Variants in TEX36 observed in about 807,000 individuals in gnomAD.
TEX36 encodes the protein testis-expressed protein 36.
Under a neutral mutation model 13.6 loss-of-function variants are expected in TEX36, and 12 were observed. The observed-to-expected ratio is 0.88, with a 90% CI of 0.56 to 1.43. The LOEUF (loss-of-function observed/expected upper bound fraction) is 1.43. Ranked by LOEUF, TEX36 falls within the 40% of genes most tolerant of loss-of-function variation. The pLI is 0.00. For synonymous variants in TEX36, 93 were observed against 83.0 expected, an observed-to-expected ratio of 1.12 and a Z score of -0.65; for missense variants, 224 against 228.3, an observed-to-expected ratio of 0.98 and a Z score of 0.12.
At chr10:125,647,426 T>C (rs1304209152) in intron 3 of TEX36, among the ~76,000 whole-genome samples, 2 of 152,242 alleles carry the variant, frequency 1.3e-5, no homozygotes, top group African/African-American at 4.8e-5. Flanking sequence ...ATACAGGAAC[T>C]CTGAACTTTC....
At chr10:125,618,955 A>AT (rs1363696061), downstream of TEX36, among the ~76,000 whole-genome samples, 2 of 145,586 alleles carry the variant, frequency 1.4e-5, no homozygotes, top group Admixed American at 1.4e-4. Context: ...AAAAAAAAAA[A>AT]AAAAAAAAAA....
intron 3 of TEX36, among the ~76,000 whole-genome samples, chr10:125,623,113 C>T (rs1484936650): frequency 6.6e-6 from 1 of 152,216 alleles, no homozygotes; most frequent in Non-Finnish European, 1.5e-5. Context: ...GAGGCTGATT[C>T]AGAGTATACA....
At chr10:125,641,131 A>T (rs560508427) in intron 3 of TEX36, among the ~76,000 whole-genome samples, 24 of 152,322 alleles carry the variant, frequency 1.6e-4, no homozygotes, top group African/African-American at 5.8e-4. Context: ...TGCAATGTAG[A>T]AATTGTTCCT....
chr10:125,619,851 G>A (rs182111722), downstream of TEX36, among the ~76,000 whole-genome samples: 7 of 151,712 alleles, frequency 4.6e-5, no homozygotes, highest in Admixed American at 2.0e-4. Context: ...CACCTCGCCC[G>A]ACCATTTTTT....
chr10:125,579,086 G>T (rs1845856923), intron 3 of TEX36, among the ~76,000 whole-genome samples: 2 of 152,162 alleles, frequency 1.3e-5, no homozygotes, highest in African/African-American at 2.4e-5. Flanking sequence ...TGCCTTCCTT[G>T]GTGAGGCTTC....
At chr10:125,666,926 C>G (rs767393490) in intron 1 of TEX36, 19 of 585,444 alleles carry the variant, frequency 3.2e-5, no homozygotes, top group Non-Finnish European at 5.6e-5. Flanking sequence ...CAGCCCCAGT[C>G]TCACTGCTTG....
chr10:125,605,881 C>T (rs1846210112), intron 3 of TEX36, among the ~76,000 whole-genome samples: 1 of 152,230 alleles, frequency 6.6e-6, no homozygotes, highest in African/African-American at 2.4e-5. Context: ...GGCTTACAGG[C>T]ATGAGCCACC....
intron 3 of TEX36, among the ~76,000 whole-genome samples, chr10:125,640,705 G>T (rs944114621): frequency 1.3e-5 from 2 of 152,126 alleles, no homozygotes; most frequent in African/African-American, 4.8e-5. Context: ...CCAGGGAAAG[G>T]CAGGACTAGA....
At chr10:125,662,042 G>A in intron 1 of TEX36, 65 bp from the exon 2 acceptor site, 1 of 1,547,948 alleles carries the variant, frequency 6.5e-7, no homozygotes, top group Admixed American at 2.0e-5. Flanking sequence ...CAAGTATCAG[G>A]GCTTCCTTTG....
intron 3 of TEX36, among the ~76,000 whole-genome samples, chr10:125,601,414 G>T (rs561188797): frequency 6.6e-6 from 1 of 152,222 alleles, no homozygotes; most frequent in Admixed American, 6.5e-5. Flanking sequence ...TAGCCCCAAA[G>T]GTGGTTAGCT....
At chr10:125,679,609 C>T (rs568619446) in intron 1 of TEX36, among the ~76,000 whole-genome samples, 2 of 152,334 alleles carry the variant, frequency 1.3e-5, no homozygotes, top group East Asian at 3.9e-4. Flanking sequence ...ACTCACTTAC[C>T]CTTTCCCCAT....
intron 3 of TEX36, among the ~76,000 whole-genome samples, chr10:125,623,489 T>C (rs1846450914): frequency 6.6e-6 from 1 of 152,112 alleles, no homozygotes; most frequent in Non-Finnish European, 1.5e-5. Flanking sequence ...GGGAGAGATT[T>C]GTCTTTCTGC....
Position 125,674,975 on chromosome 10 carries a change from G to A in TEX36, c.51+7964C>T, listed in dbSNP as rs145664015. On this transcript the variant is annotated intron_variant, in intron 1 of 3. Coordinates refer to ENST00000368821, the MANE Select transcript of TEX36 (RefSeq NM_001128202.3). ...GGTGCATTGAGCTGGGGGAATCTCC[G>A]CTCATCCAGATTGCCCAGGTTCCTT... 2.6e-3 allele frequency among the ~76,000 whole-genome samples: 392 copies of A among 152,358 alleles called. 1 individual carries two copies. Among genetic ancestry groups the A allele is most frequent in the Non-Finnish European group, 4.3e-3 (290 of 68,030 alleles).
intron 3 of TEX36, among the ~76,000 whole-genome samples, chr10:125,630,055 C>T (rs971116980): frequency 2.4e-4 from 37 of 152,182 alleles, no homozygotes; most frequent in Admixed American, 1.0e-3. Flanking sequence ...GCCATAGGGC[C>T]TAGTCCTCAA....
chr10:125,667,888 G>A, intron 1 of TEX36: 1 of 1,512,474 alleles, frequency 6.6e-7, no homozygotes, highest in East Asian at 2.3e-5. Flanking sequence ...CCACGATGCG[G>A]TGAGCGATGT....
At position 125,661,041 on chromosome 10, in the gene TEX36, A is replaced by C; in HGVS notation, c.244T>G (p.Ser82Ala). ...CTCACGGAGTCAAGGTAGCATCCAG[A>C]GTTCTCCAAGCTGTGCCGATTGTCA... ...VHDNRHSLENSGCYLDSGLGR... is the reference protein window; with the variant it reads ...VHDNRHSLENAGCYLDSGLGR... The change falls in exon 3 of 4, where the codon TCT becomes GCT. Residue 82 changes from serine to alanine, a missense_variant. Physicochemically the swap from Ser to Ala is moderately conservative, Grantham distance 99. Coordinates refer to ENST00000368821, the MANE Select transcript of TEX36 (RefSeq NM_001128202.3). 1 of 1,551,862 alleles carries C rather than the reference A, an allele frequency of 6.4e-7. No individual in the cohort carries two copies. The highest frequency in any genetic ancestry group is 8.7e-7 in the Non-Finnish European group (1 of 1,146,968).
chr10:125,651,034 C>T (rs1423161203), downstream of TEX36, among the ~76,000 whole-genome samples: 11 of 152,268 alleles, frequency 7.2e-5, no homozygotes, highest in Non-Finnish European at 7.4e-5. Context: ...AAGTCCAGGA[C>T]CAGATGGATT....
intron 3 of TEX36, among the ~76,000 whole-genome samples, chr10:125,646,231 G>A (rs986272173): frequency 6.6e-5 from 10 of 152,048 alleles, no homozygotes; most frequent in Admixed American, 2.0e-4. Context: ...GAGGCTGAGC[G>A]GGGAGGATCA....
At chr10:125,621,412 T>A (rs1257886060), downstream of TEX36, among the ~76,000 whole-genome samples, 1 of 152,052 alleles carries the variant, frequency 6.6e-6, no homozygotes, top group East Asian at 1.9e-4. Context: ...AGCTGATATC[T>A]CATTTTGCTT....
Sources: allele counts gnomAD v4.1 joint callset (sites outside exome capture counted in the v4.1 genomes callset), GRCh38; gene constraint gnomAD v4.1.1; transcripts MANE v1.5; gene names NCBI Gene and HGNC (gene_info 2026-07-23, HGNC 2026-07-21).